The following RBPMS variants were observed in gnomAD, a reference collection of about 807,000 sequenced individuals.
The protein encoded by RBPMS is RNA binding protein, mRNA processing factor.
RBPMS carries 7 observed loss-of-function variants against 26.8 expected under a neutral mutation model. That is an observed-to-expected ratio of 0.26 (90% CI 0.15 to 0.49). The LOEUF (loss-of-function observed/expected upper bound fraction) is 0.49, where lower values mean the gene tolerates loss of function less well. Ranked by LOEUF, RBPMS falls within the 20% of genes least tolerant of loss-of-function variation. The pLI, the probability that RBPMS is intolerant of heterozygous loss-of-function variation, is 0.98. For synonymous variants in RBPMS, 96 were observed against 93.3 expected, an observed-to-expected ratio of 1.03 and a Z score of -0.17; for missense variants, 186 against 250.0, an observed-to-expected ratio of 0.74 and a Z score of 1.73.
intron 6 of RBPMS, among the ~76,000 whole-genome samples, chr8:30,548,156 T>C (rs570819111): frequency 4.2e-4 from 64 of 152,346 alleles, no homozygotes; most frequent in African/African-American, 1.4e-3. Context: ...TTCAAGGTCA[T>C]TGGTATTTGA....
Position 30,504,318 on chromosome 8 carries a change from A to G in RBPMS, c.279A>G (p.Thr93=). ...GCTTCGATCCTGAAATTCCGCAAAC[A>G]CTACGACTAGAGTTTGCTAAGGCAA... ...GIRFDPEIPQ[T]LRLEFAKANT... is the part of the protein sequence containing the mutation. The change falls in exon 5 of 9, where the codon ACA becomes ACG. Residue 93 remains threonine (T), a synonymous_variant. Coordinates refer to ENST00000397323, the MANE Select transcript of RBPMS (RefSeq NM_001008710.3). 3 of 1,614,204 alleles carry G rather than the reference A, an allele frequency of 1.9e-6. No individual in the cohort carries two copies. The highest frequency in any genetic ancestry group is 2.5e-6 in the Non-Finnish European group (3 of 1,180,018).
chr8:30,464,701 T>G (rs991689425), intron 1 of RBPMS, among the ~76,000 whole-genome samples: 2 of 152,240 alleles, frequency 1.3e-5, no homozygotes, highest in African/African-American at 2.4e-5. Context: ...TGAAATGACT[T>G]GTTTCTTTGA....
intron 1 of RBPMS, among the ~76,000 whole-genome samples, chr8:30,471,511 C>T (rs1369775639): frequency 1.3e-5 from 2 of 152,088 alleles, no homozygotes; most frequent in African/African-American, 2.4e-5. Context: ...ACACTTAGAA[C>T]GTAAGTTCTG....
chr8:30,389,490 C>T (rs754552278), intron 1 of RBPMS, among the ~76,000 whole-genome samples: 1 of 152,112 alleles, frequency 6.6e-6, no homozygotes, highest in Non-Finnish European at 1.5e-5. Flanking sequence ...AAAGTGGGTA[C>T]TTTTGTGCAG....
At chr8:30,477,229 A>G (rs1817795445) in intron 2 of RBPMS, among the ~76,000 whole-genome samples, 1 of 151,942 alleles carries the variant, frequency 6.6e-6, no homozygotes, top group Non-Finnish European at 1.5e-5. Flanking sequence ...ATTTTTTTGT[A>G]TTTTTAGTAG....
chr8:30,480,519 T>A (rs1818165157), intron 4 of RBPMS, among the ~76,000 whole-genome samples: 1 of 152,210 alleles, frequency 6.6e-6, no homozygotes, highest in South Asian at 2.1e-4. Flanking sequence ...TGTTGGTTTT[T>A]CATATAAAGC....
intron 1 of RBPMS, 121 bp downstream of exon 1, chr8:30,385,279 C>T: frequency 1.6e-6 from 1 of 617,310 alleles, no homozygotes; most frequent in Non-Finnish European, 2.5e-6. Context: ...GCCCCGGACG[C>T]AGCCCCACAG....
intron 1 of RBPMS, among the ~76,000 whole-genome samples, chr8:30,388,879 G>A (rs552283706): frequency 5.9e-5 from 9 of 152,218 alleles, no homozygotes; most frequent in South Asian, 2.1e-4. Flanking sequence ...AGCAAAAAAC[G>A]TGGAAGTGTT....
At chr8:30,506,690 G>A (rs1420794095) in intron 5 of RBPMS, among the ~76,000 whole-genome samples, 1 of 152,188 alleles carries the variant, frequency 6.6e-6, no homozygotes. Context: ...TTGAGGATTG[G>A]AAAGGCCCTG....
chr8:30,559,124 C>T (rs1215030712), intron 7 of RBPMS, among the ~76,000 whole-genome samples, 168 bp downstream of exon 7: 1 of 152,184 alleles, frequency 6.6e-6, no homozygotes, highest in African/African-American at 2.4e-5. Context: ...GCATCTTTTC[C>T]GAGAGGAAAT....
At position 30,504,291 on chromosome 8, in the gene RBPMS, C is replaced by T; in HGVS notation, c.252C>T (p.Ile84=). The change falls in exon 5 of 9, where the codon ATC becomes ATT. Residue 84 remains isoleucine (I), a synonymous_variant. Coordinates refer to ENST00000397323, the MANE Select transcript of RBPMS (RefSeq NM_001008710.3). The part of the protein sequence containing the change: ...AEAAKNALNG[I]RFDPEIPQTL... Reference sequence around the variant, plus strand: ...TTTGTTCTCTGTTTCCAAAGGGCATCCGCTTCGATCCTGAAATTCCGCAAA... The same window carrying T: ...TTTGTTCTCTGTTTCCAAAGGGCATTCGCTTCGATCCTGAAATTCCGCAAA... 6.2e-7 allele frequency: 1 copy of T among 1,614,118 alleles called. No individual in the cohort carries two copies. The highest frequency in any genetic ancestry group is 2.2e-5 in the East Asian group (1 of 44,880).
intron 8 of RBPMS, among the ~76,000 whole-genome samples, chr8:30,567,426 G>A (rs1447973710): frequency 6.6e-6 from 1 of 152,190 alleles, no homozygotes; most frequent in African/African-American, 2.4e-5. Flanking sequence ...ACTAACCCAA[G>A]CTTTTTTCAC....
intron 5 of RBPMS, among the ~76,000 whole-genome samples, chr8:30,519,077 A>G (rs948151130): frequency 6.6e-6 from 1 of 151,974 alleles, no homozygotes; most frequent in African/African-American, 2.4e-5. Flanking sequence ...ACATCTTAGG[A>G]CTCCTGTCTC....
chr8:30,527,548 G>A (rs868741233), intron 5 of RBPMS, among the ~76,000 whole-genome samples: 5 of 152,074 alleles, frequency 3.3e-5, no homozygotes, highest in Admixed American at 6.5e-5. Context: ...GCCTACAACC[G>A]TTGGTTACAT....
At chr8:30,550,806 G>A (rs1442892517) in intron 6 of RBPMS, among the ~76,000 whole-genome samples, 1 of 152,180 alleles carries the variant, frequency 6.6e-6, no homozygotes, top group Non-Finnish European at 1.5e-5. Context: ...CTTCTGACAG[G>A]AAATACATCC....
chr8:30,422,894 A>G (rs1428287842), intron 1 of RBPMS, among the ~76,000 whole-genome samples: 1 of 152,238 alleles, frequency 6.6e-6, no homozygotes, highest in Non-Finnish European at 1.5e-5. Flanking sequence ...TTTTCAATAA[A>G]TATTTCTTTT....
intron 1 of RBPMS, among the ~76,000 whole-genome samples, chr8:30,447,900 A>G (rs1814072166): frequency 6.6e-6 from 1 of 152,188 alleles, no homozygotes; most frequent in Non-Finnish European, 1.5e-5. Flanking sequence ...CTCTTTTGTG[A>G]TTACATTTTT....
At chr8:30,567,393 T>C (rs1827972191) in intron 8 of RBPMS, among the ~76,000 whole-genome samples, 1 of 152,212 alleles carries the variant, frequency 6.6e-6, no homozygotes, top group African/African-American at 2.4e-5. Context: ...TTGGGCATTT[T>C]TCCCAGGGTG....
chr8:30,421,304 G>A (rs924821742), intron 1 of RBPMS, among the ~76,000 whole-genome samples: 1 of 152,154 alleles, frequency 6.6e-6, no homozygotes, highest in Non-Finnish European at 1.5e-5. Flanking sequence ...CTGGCACTAA[G>A]AAATTATCAC....
Sources: gnomAD v4.1 joint callset for allele counts (sites outside exome capture counted in the v4.1 genomes callset) on GRCh38, gnomAD v4.1.1 for gene constraint, MANE v1.5 for transcripts, NCBI Gene and HGNC (gene_info 2026-07-23, HGNC 2026-07-21) for gene names.